The following CTNNA3 variants were observed in gnomAD, a reference collection of about 807,000 sequenced individuals.
The protein encoded by CTNNA3 is catenin alpha 3, also known as catenin alpha-3.
A neutral mutation model predicts 95.7 loss-of-function variants in CTNNA3; 76 were observed. The observed-to-expected ratio is 0.79, with a 90% CI of 0.66 to 0.96. The LOEUF is 0.96. CTNNA3 is among the 40% of genes least tolerant of loss of function. CTNNA3 has a pLI of 0.00. For synonymous variants in CTNNA3, 431 were observed against 374.4 expected (o/e 1.15, Z -1.74); for missense variants, 1,191 against 1,089.8 (o/e 1.09, Z -1.31).
At chr10:66,361,830 GC>G (rs2092678448) in intron 12 of CTNNA3, among the ~76,000 whole-genome samples, 1 of 152,018 alleles carries the variant, frequency 6.6e-6, no homozygotes, top group Non-Finnish European at 1.5e-5. Flanking sequence ...GAGCCACCAT[GC>G]CCAACCTAAC....
At chr10:66,951,214 C>G (rs920812342) in intron 7 of CTNNA3, among the ~76,000 whole-genome samples, 2 of 151,566 alleles carry the variant, frequency 1.3e-5, no homozygotes, top group Non-Finnish European at 2.9e-5. Context: ...CTCCTGGGTT[C>G]AAGCGATTCT....
intron 12 of CTNNA3, among the ~76,000 whole-genome samples, chr10:66,323,655 CG>C (rs2092218769): frequency 9.2e-6 from 1 of 108,924 alleles, no homozygotes; most frequent in African/African-American, 3.1e-5. Context: ...CCATCTCAAA[CG>C]AAAAAAAAAA....
intron 7 of CTNNA3, among the ~76,000 whole-genome samples, chr10:66,999,849 A>G (rs1413891403): frequency 6.6e-6 from 1 of 152,142 alleles, no homozygotes; most frequent in African/African-American, 2.4e-5. Flanking sequence ...ATTTTCCTAA[A>G]ATGTTTTCCT....
intron 11 of CTNNA3, among the ~76,000 whole-genome samples, chr10:66,416,687 GCTAAGATACTATAT>G (rs986213971): frequency 1.3e-5 from 2 of 151,886 alleles, no homozygotes; most frequent in Non-Finnish European, 2.9e-5. Flanking sequence ...AAAACTGCAA[GCTAAGATACTATAT>G]CTAACAAAAT....
chr10:67,042,532 TG>T (rs1854463843), intron 7 of CTNNA3, among the ~76,000 whole-genome samples: 1 of 151,800 alleles, frequency 6.6e-6, no homozygotes, highest in Non-Finnish European at 1.5e-5. Flanking sequence ...AGTGTGGCAG[TG>T]GATCAAATAG....
intron 7 of CTNNA3, among the ~76,000 whole-genome samples, chr10:66,999,091 C>G (rs1318566374): frequency 6.6e-6 from 1 of 151,960 alleles, no homozygotes; most frequent in African/African-American, 2.4e-5. Flanking sequence ...AATTGGAACA[C>G]TATAGAAACA....
chr10:66,589,929 A>AT (rs1206354106), intron 10 of CTNNA3, among the ~76,000 whole-genome samples: 3 of 152,076 alleles, frequency 2.0e-5, no homozygotes, highest in South Asian at 2.1e-4. Context: ...TAACTGTGTT[A>AT]TTTTTTTAAC....
intron 11 of CTNNA3, among the ~76,000 whole-genome samples, chr10:66,479,368 CT>C (rs1238452692): frequency 1.3e-5 from 2 of 151,964 alleles, no homozygotes; most frequent in East Asian, 3.9e-4. Context: ...AGATTTTTGG[CT>C]TTTATTGACT....
At chr10:66,822,905 T>C (rs1842351049) in intron 7 of CTNNA3, among the ~76,000 whole-genome samples, 1 of 152,222 alleles carries the variant, frequency 6.6e-6, no homozygotes, top group Admixed American at 6.5e-5. Context: ...TTCCTGCTGC[T>C]CTGAAACATC....
chr10:66,571,665 A>G (rs1019791809), intron 10 of CTNNA3, among the ~76,000 whole-genome samples: 12 of 152,184 alleles, frequency 7.9e-5, no homozygotes, highest in African/African-American at 2.7e-4. Context: ...TTTATACAGT[A>G]TTTATTATAC....
intron 7 of CTNNA3, among the ~76,000 whole-genome samples, chr10:66,829,854 T>TTGTTGTTGTTGTTG (rs1842650574): frequency 6.7e-6 from 1 of 148,256 alleles, no homozygotes; most frequent in African/African-American, 2.5e-5. Context: ...CCCCAGGGGA[T>TTGTTGTTGTTGTTG]TTGTTGTTGT....
At chr10:67,547,645 C>T (rs1045748674) in intron 3 of CTNNA3, among the ~76,000 whole-genome samples, 3 of 152,278 alleles carry the variant, frequency 2.0e-5, no homozygotes, top group Admixed American at 1.3e-4. Context: ...CACAAGCTCA[C>T]ACAAAACTTG....
intron 9 of CTNNA3, among the ~76,000 whole-genome samples, chr10:66,729,823 G>A (rs1399572393): frequency 6.6e-6 from 1 of 152,084 alleles, no homozygotes; most frequent in African/African-American, 2.4e-5. Flanking sequence ...TTCTATTATA[G>A]GCCAGGCGTG....
chr10:67,631,526 A>G (rs930098063), intron 2 of CTNNA3, among the ~76,000 whole-genome samples: 5 of 152,220 alleles, frequency 3.3e-5, no homozygotes, highest in African/African-American at 1.2e-4. Flanking sequence ...GGAATATAAC[A>G]TGAAGATAAA....
chr10:67,238,121 A>G (rs2132324115), intron 5 of CTNNA3, among the ~76,000 whole-genome samples: 1 of 152,286 alleles, frequency 6.6e-6, no homozygotes, highest in East Asian at 1.9e-4. Flanking sequence ...GAAAAAGGTG[A>G]ACACATTTTG....
intron 13 of CTNNA3, among the ~76,000 whole-genome samples, chr10:66,277,583 CTAAG>C (rs1267277424): frequency 6.6e-6 from 1 of 152,034 alleles, no homozygotes; most frequent in Non-Finnish European, 1.5e-5. Flanking sequence ...TTACTTGCAC[CTAAG>C]TGAGAATTTA....
intron 7 of CTNNA3, among the ~76,000 whole-genome samples, chr10:66,801,251 T>C (rs1841418670): frequency 1.3e-5 from 2 of 151,214 alleles, no homozygotes; most frequent in Admixed American, 6.6e-5. Context: ...AAATTAATCA[T>C]CAAAGTATTA....
chr10:66,886,078 C>T (rs982108989), intron 7 of CTNNA3, among the ~76,000 whole-genome samples: 10 of 152,014 alleles, frequency 6.6e-5, no homozygotes, highest in African/African-American at 2.4e-4. Flanking sequence ...GTCCTTTTGC[C>T]AAGAACCAAA....
At chr10:67,669,308 C>G (rs1202114997) in intron 1 of CTNNA3, among the ~76,000 whole-genome samples, 2 of 152,208 alleles carry the variant, frequency 1.3e-5, no homozygotes, top group Non-Finnish European at 2.9e-5. Flanking sequence ...AATCCATGAA[C>G]TTTGGAGAAA....
Sources: allele counts gnomAD v4.1 joint callset (sites outside exome capture counted in the v4.1 genomes callset), GRCh38; gene constraint gnomAD v4.1.1; transcripts MANE v1.5; gene names NCBI Gene and HGNC (gene_info 2026-07-23, HGNC 2026-07-21).